FNDC3B: variants seen among roughly 807,000 people sequenced by gnomAD.
FNDC3B encodes the protein fibronectin type III domain-containing protein 3B.
A neutral mutation model predicts 151.5 loss-of-function variants in FNDC3B; 12 were observed. The ratio of observed to expected loss-of-function variants is 0.08; its 90% CI spans 0.05 to 0.13. FNDC3B has a LOEUF of 0.13. FNDC3B is among the 10% of genes least tolerant of loss of function. The probability of loss-of-function intolerance (pLI) is 1.00; values close to 1 mark genes in which losing one functional copy is unlikely to be tolerated. For missense variants in FNDC3B, 1,214 were observed against 1,505.3 expected (o/e 0.81, Z 3.20); for synonymous variants, 528 against 549.0 (o/e 0.96, Z 0.54).
At chr3:172,042,672 T>A (rs1000979649) in intron 1 of FNDC3B, among the ~76,000 whole-genome samples, 2 of 152,062 alleles carry the variant, frequency 1.3e-5, no homozygotes, top group Non-Finnish European at 2.9e-5. Flanking sequence ...AGAGAGAGAG[T>A]AACTTGCATA....
chr3:172,260,188 A>G (rs1242342763), intron 6 of FNDC3B, among the ~76,000 whole-genome samples: 1 of 152,250 alleles, frequency 6.6e-6, no homozygotes. Context: ...TTTCTGGTAT[A>G]TTTGTAACCT....
intron 2 of FNDC3B, 40 bp from the exon 3 acceptor site, chr3:172,133,431 G>T (rs1489343432): frequency 1.4e-6 from 2 of 1,462,858 alleles, no homozygotes; most frequent in South Asian, 1.2e-5. Context: ...AATCCCAGAG[G>T]TTCCAGTATT....
chr3:172,330,341 T>C, intron 12 of FNDC3B, 200 bp from the exon 13 acceptor site: 1 of 496,864 alleles, frequency 2.0e-6, no homozygotes, highest in South Asian at 3.2e-5. Context: ...GGTGTGTGTG[T>C]CTAGTAGAAG....
At chr3:172,293,543 A>G (rs1730447598) in intron 7 of FNDC3B, among the ~76,000 whole-genome samples, 1 of 152,192 alleles carries the variant, frequency 6.6e-6, no homozygotes, top group Non-Finnish European at 1.5e-5. Context: ...AGGGAGTCTC[A>G]AAGCCCAAGG....
At chr3:172,328,580 T>C (rs1486709030) in intron 11 of FNDC3B, among the ~76,000 whole-genome samples, 1 of 152,186 alleles carries the variant, frequency 6.6e-6, no homozygotes, top group Non-Finnish European at 1.5e-5. Context: ...TCTTGGTTGA[T>C]CAGGCTGGGC....
chr3:172,251,614 T>A, intron 6 of FNDC3B, 73 bp downstream of exon 6: 1 of 1,379,372 alleles, frequency 7.2e-7, no homozygotes, highest in Non-Finnish European at 9.8e-7. Context: ...TCCACATCTT[T>A]TACATGAGAA....
chr3:172,360,865 A>C lies in FNDC3B; in HGVS notation c.2796-1768A>C, dbSNP rs1734322026. The stretch of plus-strand genomic sequence containing the variant: ...CTAAGTCCTAAAATCAGGTAGTGTG[A>C]TTCTTCAAACTTTATTCTTATTTTT... On this transcript the variant is annotated intron_variant, in intron 22 of 25. Coordinates refer to ENST00000415807, the MANE Select transcript of FNDC3B (RefSeq NM_022763.4). Among the ~76,000 whole-genome samples the C allele has an allele frequency of 2.0e-5, 3 of 152,274 alleles. No homozygotes were observed. The South Asian group carries it at 6.2e-4, about 32-fold the overall frequency.
intron 6 of FNDC3B, among the ~76,000 whole-genome samples, chr3:172,260,805 C>T (rs544180270): frequency 3.3e-5 from 5 of 152,248 alleles, no homozygotes; most frequent in Admixed American, 6.5e-5. Context: ...GTCCTCTCTC[C>T]GTGCTTTTTC....
chr3:172,103,115 G>A (rs570293621), intron 1 of FNDC3B, among the ~76,000 whole-genome samples: 1 of 152,284 alleles, frequency 6.6e-6, no homozygotes, highest in African/African-American at 2.4e-5. Flanking sequence ...GCAAGCTTAT[G>A]TAAATACCAC....
intron 24 of FNDC3B, among the ~76,000 whole-genome samples, chr3:172,378,681 G>C (rs1735279908): frequency 6.6e-6 from 1 of 152,136 alleles, no homozygotes; most frequent in East Asian, 1.9e-4. Flanking sequence ...TTAGAAATAA[G>C]GGTTAAATTC....
chr3:172,392,927 C>G (rs558297959), intron 25 of FNDC3B, among the ~76,000 whole-genome samples: 1 of 148,550 alleles, frequency 6.7e-6, no homozygotes, highest in Non-Finnish European at 1.5e-5. Flanking sequence ...CTGCCTGTAT[C>G]CTGTATCTGG....
chr3:172,217,335 G>A (rs79202503), intron 3 of FNDC3B, among the ~76,000 whole-genome samples: 2,962 of 152,300 alleles, frequency 0.019, 46 homozygotes, highest in Non-Finnish European at 0.031. Flanking sequence ...TTGAAACCAT[G>A]TTAGGTCATC....
intron 23 of FNDC3B, among the ~76,000 whole-genome samples, chr3:172,375,793 C>A (rs557616736): frequency 6.6e-6 from 1 of 152,250 alleles, no homozygotes; most frequent in African/African-American, 2.4e-5. Flanking sequence ...CCACCCCTTT[C>A]CCTCCTCTTC....
chr3:172,275,469 G>A (rs2108809524), intron 6 of FNDC3B, among the ~76,000 whole-genome samples: 1 of 152,302 alleles, frequency 6.6e-6, no homozygotes, highest in East Asian at 1.9e-4. Context: ...TGTTATTAAA[G>A]ACTTAGAATG....
chr3:172,091,873 G>GT (rs3221957), intron 1 of FNDC3B, among the ~76,000 whole-genome samples: 1 of 124,756 alleles, frequency 8.0e-6, no homozygotes, highest in Non-Finnish European at 1.6e-5. Flanking sequence ...ACTTTACTGG[G>GT]GTGTGTGTGT....
chr3:172,256,461 A>G (rs1728351698), intron 6 of FNDC3B, among the ~76,000 whole-genome samples: 1 of 152,246 alleles, frequency 6.6e-6, no homozygotes, highest in Admixed American at 6.5e-5. Context: ...GTTCTTGTGT[A>G]CGGAGTATTA....
At chr3:172,315,662 A>G (rs1731743447) in intron 11 of FNDC3B, among the ~76,000 whole-genome samples, 1 of 152,192 alleles carries the variant, frequency 6.6e-6, no homozygotes, top group Non-Finnish European at 1.5e-5. Context: ...TGAACGTTAG[A>G]TGAGTCACAT....
chr3:172,286,577 C>G (rs539574893), intron 7 of FNDC3B, among the ~76,000 whole-genome samples: 4 of 152,136 alleles, frequency 2.6e-5, no homozygotes, highest in African/African-American at 7.2e-5. Flanking sequence ...ATTGGAAAAC[C>G]TTGATTCTGC....
chr3:172,168,999 C>T (rs1018547545), intron 3 of FNDC3B, among the ~76,000 whole-genome samples: 2 of 151,746 alleles, frequency 1.3e-5, no homozygotes, highest in African/African-American at 2.4e-5. Context: ...AGGCGCGAGC[C>T]ACTGTGCCCA....
Sources: allele counts gnomAD v4.1 joint callset (sites outside exome capture counted in the v4.1 genomes callset), GRCh38; gene constraint gnomAD v4.1.1; transcripts MANE v1.5; gene names NCBI Gene and HGNC (gene_info 2026-07-23, HGNC 2026-07-21).